Variants in WWOX observed in about 807,000 individuals in gnomAD.
WWOX encodes WW domain-containing oxidoreductase.
In WWOX, 69 loss-of-function variants were observed where a neutral mutation model predicts 46.2. That is an observed-to-expected ratio of 1.49 (90% CI 1.23 to 1.82). WWOX has a LOEUF of 1.82. Ranked by LOEUF, WWOX falls within the 40% of genes most tolerant of loss-of-function variation. WWOX has a pLI of 0.00. For missense variants in WWOX, 919 were observed against 542.6 expected, an observed-to-expected ratio of 1.69 and a Z score of -6.89; for synonymous variants, 359 against 202.6, an observed-to-expected ratio of 1.77 and a Z score of -6.56.
intron 8 of WWOX, among the ~76,000 whole-genome samples, chr16:78,905,479 G>T (rs949249118): frequency 6.6e-6 from 1 of 152,128 alleles, no homozygotes; most frequent in East Asian, 1.9e-4. Flanking sequence ...CCTCCTGGGT[G>T]CAAGTAATCC....
chr16:78,366,942 G>T (rs1308394835), intron 5 of WWOX, among the ~76,000 whole-genome samples: 22 of 136,184 alleles, frequency 1.6e-4, no homozygotes, highest in African/African-American at 4.7e-4. Context: ...ATTAGCTGGG[G>T]TTTTTTTTTT....
intron 8 of WWOX, among the ~76,000 whole-genome samples, chr16:78,636,124 A>C (rs1210068681): frequency 6.6e-6 from 1 of 152,144 alleles, no homozygotes; most frequent in Non-Finnish European, 1.5e-5. Context: ...TCTTGCTATT[A>C]AGAGTTTCTG....
At chr16:79,125,449 A>G (rs2049731677) in intron 8 of WWOX, among the ~76,000 whole-genome samples, 1 of 152,198 alleles carries the variant, frequency 6.6e-6, no homozygotes, top group African/African-American at 2.4e-5. Flanking sequence ...ACATTGTAAC[A>G]GCTTCTTAAT....
At chr16:78,871,347 C>G (rs111351848) in intron 8 of WWOX, among the ~76,000 whole-genome samples, 2 of 152,238 alleles carry the variant, frequency 1.3e-5, no homozygotes, top group African/African-American at 4.8e-5. Context: ...ACTGGGTGAA[C>G]TTGAGCCTCG....
chr16:79,188,265 A>C (rs971883731), intron 8 of WWOX, among the ~76,000 whole-genome samples: 4 of 152,192 alleles, frequency 2.6e-5, no homozygotes, highest in African/African-American at 9.7e-5. Flanking sequence ...TCTGTACCCA[A>C]AAGGAAATGT....
At chr16:79,145,246 C>T (rs922378854) in intron 8 of WWOX, among the ~76,000 whole-genome samples, 13 of 151,998 alleles carry the variant, frequency 8.6e-5, no homozygotes, top group African/African-American at 3.1e-4. Context: ...ATCAGTGATG[C>T]CAAAAAAGCA....
chr16:78,748,150 C>A (rs1359248924), intron 8 of WWOX, among the ~76,000 whole-genome samples: 1 of 152,182 alleles, frequency 6.6e-6, no homozygotes, highest in East Asian at 1.9e-4. Context: ...CCATTGCACC[C>A]CGTGTCATTG....
chr16:78,921,061 T>A (rs1469284025), intron 8 of WWOX, among the ~76,000 whole-genome samples: 1 of 152,124 alleles, frequency 6.6e-6, no homozygotes, highest in Admixed American at 6.5e-5. Flanking sequence ...CCAACCAGAT[T>A]TTGTGCTTAT....
intron 8 of WWOX, among the ~76,000 whole-genome samples, chr16:78,645,951 C>T (rs1460359682): frequency 1.3e-5 from 2 of 152,140 alleles, no homozygotes; most frequent in African/African-American, 2.4e-5. Flanking sequence ...AGCAGTGCAG[C>T]GTCTTCAATT....
At chr16:78,539,475 C>T (rs1262043915) in intron 8 of WWOX, among the ~76,000 whole-genome samples, 1 of 152,154 alleles carries the variant, frequency 6.6e-6, no homozygotes, top group East Asian at 1.9e-4. Context: ...GTAAGCAATT[C>T]TGCATCGATA....
intron 5 of WWOX, among the ~76,000 whole-genome samples, chr16:78,340,293 T>A (rs2080989185): frequency 8.6e-6 from 1 of 116,040 alleles, no homozygotes; most frequent in South Asian, 2.7e-4. Flanking sequence ...ACCTCCCAGG[T>A]TCAAGTGACT....
chr16:78,957,497 C>G (rs1023311077), intron 8 of WWOX, among the ~76,000 whole-genome samples: 1 of 152,124 alleles, frequency 6.6e-6, no homozygotes. Flanking sequence ...GCTGAGACAC[C>G]AGAACAGGTG....
chr16:79,044,887 C>T (rs2048037175), intron 8 of WWOX, among the ~76,000 whole-genome samples: 2 of 152,144 alleles, frequency 1.3e-5, no homozygotes, highest in Non-Finnish European at 2.9e-5. Context: ...CCCCATCCTC[C>T]CCTGTGTAGA....
chr16:78,453,989 T>C (rs935520728), intron 8 of WWOX, among the ~76,000 whole-genome samples: 44 of 152,222 alleles, frequency 2.9e-4, no homozygotes, highest in African/African-American at 9.6e-4. Flanking sequence ...ACCTGGTTTT[T>C]GTTGTCATTG....
intron 5 of WWOX, among the ~76,000 whole-genome samples, chr16:78,266,895 A>C (rs1755647887): frequency 6.7e-6 from 1 of 148,158 alleles, no homozygotes; most frequent in Non-Finnish European, 1.5e-5. Context: ...TCTCAACTTG[A>C]ATTGCATCTC....
At chr16:78,451,948 C>T (rs1000146073) in intron 8 of WWOX, among the ~76,000 whole-genome samples, 6 of 152,160 alleles carry the variant, frequency 3.9e-5, no homozygotes, top group Non-Finnish European at 8.8e-5. Context: ...GCCCTTAGTT[C>T]AACACTGTCT....
At chr16:78,763,664 A>C (rs2049849938) in intron 8 of WWOX, among the ~76,000 whole-genome samples, 1 of 152,180 alleles carries the variant, frequency 6.6e-6, no homozygotes, top group Non-Finnish European at 1.5e-5. Context: ...CAGTGCCCTG[A>C]ACATATTAGG....
intron 8 of WWOX, among the ~76,000 whole-genome samples, chr16:78,483,316 G>C (rs1488749484): frequency 6.6e-6 from 1 of 151,846 alleles, no homozygotes; most frequent in African/African-American, 2.4e-5. Context: ...TCTCAGTGAG[G>C]TGTGCCTCCG....
intron 5 of WWOX, among the ~76,000 whole-genome samples, chr16:78,377,537 A>T (rs992223097): frequency 3.3e-5 from 5 of 152,184 alleles, no homozygotes; most frequent in African/African-American, 1.2e-4. Context: ...AAAATTCACT[A>T]TGAAAAAAAG....
Sources: gnomAD v4.1 joint callset for allele counts (sites outside exome capture counted in the v4.1 genomes callset) on GRCh38, gnomAD v4.1.1 for gene constraint, MANE v1.5 for transcripts, NCBI Gene and HGNC (gene_info 2026-07-23, HGNC 2026-07-21) for gene names.